The following SDK1 variants were observed in gnomAD, a reference collection of about 807,000 sequenced individuals.
The protein encoded by SDK1 is protein sidekick-1.
Under a neutral mutation model 245.5 loss-of-function variants are expected in SDK1, and 157 were observed. The observed-to-expected ratio is 0.64, with a 90% CI of 0.56 to 0.73. The LOEUF (loss-of-function observed/expected upper bound fraction) is 0.73. SDK1 is among the 30% of genes least tolerant of loss of function. SDK1 has a pLI of 0.00. For synonymous variants in SDK1, 1,647 were observed against 1,278.5 expected, an observed-to-expected ratio of 1.29 and a Z score of -6.15; for missense variants, 3,583 against 3,002.3, an observed-to-expected ratio of 1.19 and a Z score of -4.52.
intron 1 of SDK1, among the ~76,000 whole-genome samples, chr7:3,308,745 C>T (rs1779480282): frequency 6.6e-6 from 1 of 152,030 alleles, no homozygotes; most frequent in South Asian, 2.1e-4. Flanking sequence ...TAGAATTAGT[C>T]TTTGTGCAGT....
chr7:3,653,039 A>C (rs1394746951), intron 4 of SDK1, among the ~76,000 whole-genome samples: 1 of 152,186 alleles, frequency 6.6e-6, no homozygotes, highest in Non-Finnish European at 1.5e-5. Flanking sequence ...TCAGTGCCAA[A>C]CAGTGGACTT....
rs1447101639 is a variant in SDK1 at position 3,385,801 on chromosome 7, C to T, written c.298+83917C>T. Among the ~76,000 whole-genome samples the T allele has an allele frequency of 2.6e-5, 4 of 152,196 alleles. No homozygotes were observed. In the East Asian group the frequency reaches 7.7e-4, roughly 29 times the overall value. ...GGCGATTAGTAAGGGATTGTAATAT[C>T]TCTCAATAACAAAATTGCTTTAGAC... On this transcript the variant is annotated intron_variant, in intron 1 of 44. Coordinates refer to ENST00000404826, the MANE Select transcript of SDK1 (RefSeq NM_152744.4).
chr7:4,123,151 T>G (rs1356460708), intron 25 of SDK1, among the ~76,000 whole-genome samples: 1 of 152,196 alleles, frequency 6.6e-6, no homozygotes, highest in Non-Finnish European at 1.5e-5. Flanking sequence ...GCACTCACAG[T>G]TTCCCACAGG....
At chr7:4,030,550 G>A (rs1787726886) in intron 17 of SDK1, among the ~76,000 whole-genome samples, 1 of 152,162 alleles carries the variant, frequency 6.6e-6, no homozygotes, top group Non-Finnish European at 1.5e-5. Context: ...AGGGCCCCTG[G>A]GGCACCTTCT....
At chr7:3,942,824 A>C (rs968566149) in intron 5 of SDK1, among the ~76,000 whole-genome samples, 3 of 152,232 alleles carry the variant, frequency 2.0e-5, no homozygotes, top group African/African-American at 7.2e-5. Context: ...TTCTCGTAAC[A>C]AAGCCGCTTC....
chr7:3,524,436 G>A (rs1040975665), intron 1 of SDK1, among the ~76,000 whole-genome samples: 3 of 152,170 alleles, frequency 2.0e-5, no homozygotes, highest in African/African-American at 7.2e-5. Flanking sequence ...ATTGGATCAG[G>A]TGATAGCAGT....
chr7:4,244,395 G>A (rs1786711091), intron 43 of SDK1, among the ~76,000 whole-genome samples: 1 of 152,166 alleles, frequency 6.6e-6, no homozygotes, highest in South Asian at 2.1e-4. Context: ...TCGAGTCCCT[G>A]CACACCCTTC....
chr7:3,721,855 G>A (rs1475773691), intron 4 of SDK1, among the ~76,000 whole-genome samples: 1 of 151,978 alleles, frequency 6.6e-6, no homozygotes, highest in African/African-American at 2.4e-5. Context: ...ATGAACTGTC[G>A]GCCATCCTTA....
chr7:4,066,131 A>G lies in SDK1; in HGVS notation c.2912-1707A>G, dbSNP rs116264562. Among the ~76,000 whole-genome samples the G allele has an allele frequency of 4.6e-3, 703 of 152,152 alleles. 6 individuals are homozygous for G. The highest frequency in any genetic ancestry group is 0.016 in the African/African-American group (665 of 41,532). On this transcript the variant is annotated intron_variant, in intron 19 of 44. Coordinates refer to ENST00000404826, the MANE Select transcript of SDK1 (RefSeq NM_152744.4). ...CTGACGGATGTCTCGTCTCTTCTCC[A>G]TCATTCTTTTCCTCCCTTTTCCCCG...
intron 5 of SDK1, among the ~76,000 whole-genome samples, chr7:3,948,659 G>A (rs1780674787): frequency 6.6e-6 from 1 of 152,200 alleles, no homozygotes; most frequent in Admixed American, 6.5e-5. Context: ...TGTGTGCGGT[G>A]CCTGCGGCAC....
At chr7:4,224,011 A>T (rs778790681) in intron 40 of SDK1, among the ~76,000 whole-genome samples, 1 of 152,166 alleles carries the variant, frequency 6.6e-6, no homozygotes, top group Non-Finnish European at 1.5e-5. Flanking sequence ...AGGTCACCTA[A>T]ACCCAACTCT....
At chr7:3,955,768 T>TG (rs1217735566) in intron 7 of SDK1, among the ~76,000 whole-genome samples, 1 of 152,138 alleles carries the variant, frequency 6.6e-6, no homozygotes, top group Non-Finnish European at 1.5e-5. Flanking sequence ...ATGGTGTTGT[T>TG]GGGGGGTCCT....
rs1476705716 is a variant in SDK1 at position 4,077,725 on chromosome 7, A to G, written c.3202+536A>G. 2.6e-5 allele frequency among the ~76,000 whole-genome samples: 4 copies of G among 152,284 alleles called. 1 individual carries two copies. The highest frequency in any genetic ancestry group is 7.2e-5 in the African/African-American group (3 of 41,572). Reference sequence around the variant, plus strand: ...AAGGAAACTCCCGTTTTTAAAACCCATAGATCTTGTGAGACTTATTCACTA... The same window carrying G: ...AAGGAAACTCCCGTTTTTAAAACCCGTAGATCTTGTGAGACTTATTCACTA... On this transcript the variant is annotated intron_variant, in intron 21 of 44. Transcript: ENST00000404826.
intron 40 of SDK1, chr7:4,232,971 G>T: frequency 3.3e-6 from 1 of 304,418 alleles, no homozygotes; most frequent in Non-Finnish European, 6.1e-6. Flanking sequence ...TATTTACTGT[G>T]GGGAGATATG....
At chr7:3,532,224 ATTCC>A (rs1368298493) in intron 1 of SDK1, among the ~76,000 whole-genome samples, 1 of 152,108 alleles carries the variant, frequency 6.6e-6, no homozygotes, top group Admixed American at 6.6e-5. Context: ...TTTGCTTTTT[ATTCC>A]CAGTGGCTTG....
intron 20 of SDK1, among the ~76,000 whole-genome samples, chr7:4,068,913 G>C (rs1780068806): frequency 6.6e-6 from 1 of 151,886 alleles, no homozygotes; most frequent in Admixed American, 6.6e-5. Context: ...GTAGAAATGG[G>C]GTTTTGCCAT....
chr7:4,194,780 A>G (rs1783484272), intron 35 of SDK1, among the ~76,000 whole-genome samples: 1 of 152,136 alleles, frequency 6.6e-6, no homozygotes, highest in African/African-American at 2.4e-5. Context: ...ACTGAGTCAA[A>G]TGTTAATCTC....
chr7:3,812,251 A>G (rs1235113041), intron 4 of SDK1, among the ~76,000 whole-genome samples: 3 of 152,258 alleles, frequency 2.0e-5, no homozygotes, highest in Non-Finnish European at 4.4e-5. Context: ...ATGCAAATAC[A>G]AATACTTAGA....
intron 1 of SDK1, among the ~76,000 whole-genome samples, chr7:3,587,484 CT>C (rs773658649): frequency 9.9e-5 from 15 of 152,098 alleles, no homozygotes; most frequent in Non-Finnish European, 2.9e-5. Flanking sequence ...CAGTATGAGT[CT>C]AAAGGCCTAA....
Sources: gnomAD v4.1 joint callset for allele counts (sites outside exome capture counted in the v4.1 genomes callset) on GRCh38, gnomAD v4.1.1 for gene constraint, MANE v1.5 for transcripts, NCBI Gene and HGNC (gene_info 2026-07-23, HGNC 2026-07-21) for gene names.